Variants in NUP205 observed in about 807,000 individuals in gnomAD.
NUP205 encodes nucleoporin 205.
NUP205 carries 76 observed loss-of-function variants against 253.8 expected under a neutral mutation model. The observed-to-expected ratio is 0.30, with a 90% CI of 0.25 to 0.36. The LOEUF (loss-of-function observed/expected upper bound fraction) is 0.36. Among genes scored for constraint, NUP205 ranks in the 10% least tolerant of loss-of-function variants. NUP205 has a pLI of 1.00. For synonymous variants in NUP205, 832 were observed against 850.1 expected (o/e 0.98, Z 0.37); for missense variants, 2,162 against 2,425.5 (o/e 0.89, Z 2.28).
intron 8 of NUP205, 30 bp downstream of exon 8, chr7:135,585,037 A>G: frequency 6.7e-7 from 1 of 1,502,442 alleles, no homozygotes; most frequent in East Asian, 2.3e-5. Flanking sequence ...ATGAGTAAAT[A>G]GTAGAAGAAT....
rs1177882609 is a variant in NUP205, at chr7:135,617,078, T to C, written c.3533-12T>C. 1 of 1,589,346 alleles carries C rather than the reference T, an allele frequency of 6.3e-7. No homozygotes were observed. The highest frequency in any genetic ancestry group is 8.6e-7 in the Non-Finnish European group (1 of 1,166,886). ...TCCCAAGTAAAATCAAATTACTTTT[T>C]ATTATTTCTAGTACGTCGAAAAATT... is the stretch of plus-strand genomic sequence containing the variant. On this transcript the variant is annotated splice_polypyrimidine_tract_variant and intron_variant, in intron 25 of 42. Coordinates refer to ENST00000285968, the MANE Select transcript of NUP205 (RefSeq NM_015135.3).
chr7:135,621,993 G>A (rs1794478473), intron 30 of NUP205, among the ~76,000 whole-genome samples: 1 of 151,704 alleles, frequency 6.6e-6, no homozygotes, highest in Non-Finnish European at 1.5e-5. Flanking sequence ...TAGTAGAGAC[G>A]GGGTTTCACC....
rs1207695389 is a variant in NUP205 at position 135,587,622 on chromosome 7, C to T, written c.1266C>T (p.His422=). The T allele has an allele frequency of 5.0e-6, 8 of 1,610,310 alleles. No homozygotes were observed. The highest frequency in any genetic ancestry group is 2.2e-5 in the East Asian group (1 of 44,858). Residue 422 remains histidine (H), a synonymous_variant, in exon 9 of 43, where the codon CAC becomes CAT. Transcript: ENST00000285968. The stretch of plus-strand genomic sequence containing the variant: ...CAGATGAAGATGCTCGAATGATTCA[C>T]ATGAGTATGCAGATGGGTAATGAAC... ...NRADEDARMI[H]MSMQMGNEPP...
In NUP205 at chr7:135,598,048, G is replaced by A. The variant is rs759631483; in HGVS notation, c.2115G>A (p.Arg705=). The part of the protein sequence containing the change: ...ESRCEEYPLT[R]AFCQLISTLV... ...GGTGTGAAGAATACCCATTGACTCG[G>A]GCCTTTTGCCAGCTTATTAGTACTC... The change falls in exon 15 of 43, where the codon CGG becomes CGA. Residue 705 remains arginine (R), a synonymous_variant. Coordinates refer to ENST00000285968, the MANE Select transcript of NUP205 (RefSeq NM_015135.3). 4 of 1,613,858 alleles carry A rather than the reference G, an allele frequency of 2.5e-6. No homozygotes were observed. In the Admixed American group the frequency reaches 5.0e-5, roughly 20 times the overall value.
intron 30 of NUP205, among the ~76,000 whole-genome samples, chr7:135,621,490 CA>C (rs1563132627): frequency 6.6e-6 from 1 of 152,012 alleles, no homozygotes; most frequent in Non-Finnish European, 1.5e-5. Flanking sequence ...ATCAAGATGC[CA>C]ATTTAAAAAC....
At chr7:135,584,721 GC>G in intron 7 of NUP205, 110 bp from the exon 8 acceptor site, 2 of 930,856 alleles carry the variant, frequency 2.1e-6, no homozygotes, top group Non-Finnish European at 3.4e-6. Flanking sequence ...CATAGCACAT[GC>G]TAGAAGGCTG....
chr7:135,595,655 G>C (rs945251081), intron 13 of NUP205, among the ~76,000 whole-genome samples: 49 of 152,092 alleles, frequency 3.2e-4, no homozygotes, highest in African/African-American at 1.1e-3. Flanking sequence ...TGTACCCTGA[G>C]GGAATGTACC....
chr7:135,645,361 G>C, intron 40 of NUP205, 107 bp from the exon 41 acceptor site: 3 of 1,128,496 alleles, frequency 2.7e-6, no homozygotes, highest in Non-Finnish European at 3.9e-6. Context: ...GAGGCTGTGG[G>C]TACCTCATTA....
intron 32 of NUP205, 76 bp from the exon 33 acceptor site, chr7:135,626,164 T>C (rs1484182195): frequency 6.4e-7 from 1 of 1,561,916 alleles, no homozygotes; most frequent in Non-Finnish European, 8.8e-7. Flanking sequence ...AAATTTGCCA[T>C]CAAAGTGTTG....
rs1420146835 is a variant in NUP205, at chr7:135,573,797, A to T, written c.315A>T (p.Glu105Asp). Residue 105 changes from glutamate (E) to aspartate (D), a missense_variant, in exon 3 of 43, where the codon GAA (glutamate) becomes GAT (aspartate). Coordinates refer to ENST00000285968, the MANE Select transcript of NUP205 (RefSeq NM_015135.3). Reference sequence around the variant, plus strand: ...TCAGTGACCTTTTTGATATTGGAGAATTGGCAGCTGTTGAGCTTCTTCTTG... The same window carrying T: ...TCAGTGACCTTTTTGATATTGGAGATTTGGCAGCTGTTGAGCTTCTTCTTG... The part of the protein sequence containing the change: ...FILSDLFDIG[E>D]LAAVELLLAG... 6.2e-7 allele frequency: 1 copy of T among 1,612,888 alleles called. No homozygotes were observed. Among genetic ancestry groups the T allele is most frequent in the Non-Finnish European group, 8.5e-7 (1 of 1,179,680 alleles).
At position 135,592,517 on chromosome 7, in the gene NUP205, G is replaced by A. The variant is rs1806656334; in HGVS notation, c.1625-470G>A. Among the ~76,000 whole-genome samples, 3 of 152,142 alleles carry A rather than the reference G, an allele frequency of 2.0e-5. No individual in the cohort carries two copies. In the South Asian group the frequency reaches 6.2e-4, roughly 32 times the overall value. On this transcript the variant is annotated intron_variant, in intron 11 of 42. Coordinates refer to ENST00000285968, the MANE Select transcript of NUP205 (RefSeq NM_015135.3). Reference sequence around the variant, plus strand: ...TAATCCAGAGTTCTAGCTCACAGAGGGATTCTAACCCATTTTCAGCACACC... The same window carrying A: ...TAATCCAGAGTTCTAGCTCACAGAGAGATTCTAACCCATTTTCAGCACACC...
chr7:135,637,840 A>G (rs1794838960), intron 36 of NUP205, 91 bp from the exon 37 acceptor site: 2 of 1,208,002 alleles, frequency 1.7e-6, no homozygotes, highest in South Asian at 3.1e-5. Flanking sequence ...GACTGATTCC[A>G]TTCTCCACTG....
At chr7:135,590,785 C>T (rs1806610774) in intron 10 of NUP205, among the ~76,000 whole-genome samples, 1 of 152,128 alleles carries the variant, frequency 6.6e-6, no homozygotes, top group Non-Finnish European at 1.5e-5. Flanking sequence ...CCCGCCTTGG[C>T]CTCCCAAAGT....
intron 1 of NUP205, among the ~76,000 whole-genome samples, chr7:135,567,471 G>T (rs778248185): frequency 2.0e-5 from 3 of 149,684 alleles, no homozygotes; most frequent in Non-Finnish European, 4.4e-5. Context: ...AATTAGGTGG[G>T]TGTGGTTGCA....
intron 10 of NUP205, among the ~76,000 whole-genome samples, chr7:135,591,219 TA>T (rs1476494752): frequency 3.9e-5 from 6 of 152,144 alleles, no homozygotes; most frequent in South Asian, 2.1e-4. Flanking sequence ...GACATTGAGA[TA>T]TTTTTTTAAA....
At chr7:135,582,613 A>G (rs1187614199) in intron 7 of NUP205, among the ~76,000 whole-genome samples, 1 of 152,060 alleles carries the variant, frequency 6.6e-6, no homozygotes, top group Non-Finnish European at 1.5e-5. Flanking sequence ...CCTCCCAAGT[A>G]GGTGGGACCA....
Position 135,594,680 on chromosome 7 carries a change from A to C in NUP205, c.1964A>C (p.Lys655Thr). The C allele has an allele frequency of 6.2e-7, 1 of 1,613,818 alleles. No individual in the cohort carries two copies. Among genetic ancestry groups the C allele is most frequent in the Non-Finnish European group, 8.5e-7 (1 of 1,179,870 alleles). The change falls in exon 13 of 43, where the codon AAA becomes ACA. Residue 655 changes from lysine (K) to threonine (T), a missense_variant. Physicochemically the swap from Lys to Thr is moderately conservative, Grantham distance 78 (BLOSUM62 -1). Coordinates refer to ENST00000285968, the MANE Select transcript of NUP205 (RefSeq NM_015135.3). The part of the protein sequence containing the change: ...ELLKTLAAFG[K>T]SPEIAASLWQ... Reference sequence around the variant, plus strand: ...CTGAAGACACTCGCAGCTTTTGGAAAATCTCCTGAAATTGCTGCTTCCCTC... The same window carrying C: ...CTGAAGACACTCGCAGCTTTTGGAACATCTCCTGAAATTGCTGCTTCCCTC...
At chr7:135,598,304 G>A in intron 15 of NUP205, 97 bp downstream of exon 15, 1 of 1,087,616 alleles carries the variant, frequency 9.2e-7, no homozygotes, top group Admixed American at 2.3e-5. Context: ...CTTTTGAAAG[G>A]TAGTAAAATT....
intron 36 of NUP205, 80 bp from the exon 37 acceptor site, chr7:135,637,851 A>C (rs773930162): frequency 5.8e-5 from 77 of 1,323,272 alleles, no homozygotes; most frequent in Non-Finnish European, 7.5e-5. Context: ...TTCTCCACTG[A>C]GTTTTTCTTG....
Sources: gnomAD v4.1 joint callset for allele counts (sites outside exome capture counted in the v4.1 genomes callset) on GRCh38, gnomAD v4.1.1 for gene constraint, MANE v1.5 for transcripts, NCBI Gene and HGNC (gene_info 2026-07-23, HGNC 2026-07-21) for gene names.